USP49: variants seen among roughly 807,000 people sequenced by gnomAD.
USP49 encodes the protein ubiquitin specific peptidase 49.
In USP49, 24 loss-of-function variants were observed where a neutral mutation model predicts 58.6. The observed-to-expected ratio is 0.41, with a 90% CI of 0.30 to 0.58. USP49 has a LOEUF of 0.58. USP49 is among the 20% of genes least tolerant of loss of function. The pLI, the probability that USP49 is intolerant of heterozygous loss-of-function variation, is 0.30. For missense variants in USP49, 703 were observed against 866.1 expected, an observed-to-expected ratio of 0.81 and a Z score of 2.36; for synonymous variants, 408 against 365.1, an observed-to-expected ratio of 1.12 and a Z score of -1.34.
At chr6:41,847,317 T>A (rs1216318424) in intron 3 of USP49, among the ~76,000 whole-genome samples, 1 of 151,960 alleles carries the variant, frequency 6.6e-6, no homozygotes, top group African/African-American at 2.4e-5. Flanking sequence ...ACCAAAAAGA[T>A]AAACAATGAA....
Position 41,806,444 on chromosome 6 carries a change from G to T in USP49, c.540C>A (p.Arg180=). 6.3e-7 allele frequency: 1 copy of T among 1,586,280 alleles called. No homozygotes were observed. Among genetic ancestry groups the T allele is most frequent in the Non-Finnish European group, 8.5e-7 (1 of 1,174,844 alleles). ...GCCGCCTCCGCGCCTCCTCCTTCTTGCGCTCCAGGGCCTCCTCCTGCCGCC... is the reference window on the plus strand; with the variant it reads ...GCCGCCTCCGCGCCTCCTCCTTCTTTCGCTCCAGGGCCTCCTCCTGCCGCC... ...EQRRQEEALE[R]KKEEARRRRR... is the part of the protein sequence containing the mutation. Residue 180 remains arginine (R), a synonymous_variant, in exon 4 of 8, where the codon CGC becomes CGA. Coordinates refer to ENST00000682992, the MANE Select transcript of USP49 (RefSeq NM_001286554.2). The surrounding 1 kb of genome is among the most constrained non-coding windows in gnomAD (Gnocchi z 5.9).
In USP49 at chr6:41,793,537, G is replaced by C. The variant is rs1447082192; in HGVS notation, c.*2996C>G. 1 of 152,896 alleles carries C rather than the reference G, an allele frequency of 6.5e-6. No homozygotes were observed. Among genetic ancestry groups the C allele is most frequent in the East Asian group, 1.9e-4 (1 of 5,218 alleles). The allele number at this position is 152,896 out of a possible 1,614,324, so 9.5% of individuals were successfully genotyped here. ...GCCTCCCAAAGTGCTGGGATTACAG[G>C]CATGAGCCACCGCGCCCAGCCTGGA... On this transcript the variant is annotated 3_prime_UTR_variant, in exon 8 of 8. Transcript: ENST00000682992.
intron 3 of USP49, among the ~76,000 whole-genome samples, chr6:41,849,280 A>T (rs1014708540): frequency 2.6e-5 from 4 of 152,230 alleles, no homozygotes; most frequent in Non-Finnish European, 5.9e-5. Context: ...TGCTCCAAAC[A>T]TCAGAGCTTC....
At chr6:41,802,468 A>ATTTT (rs1178634996) in intron 5 of USP49, among the ~76,000 whole-genome samples, 26 of 73,890 alleles carry the variant, frequency 3.5e-4, no homozygotes, top group African/African-American at 1.3e-3. Flanking sequence ...TTATTTATTT[A>ATTTT]TTTTTTATTT....
intron 5 of USP49, among the ~76,000 whole-genome samples, chr6:41,802,598 A>AT (rs34722469): frequency 4.1e-4 from 60 of 147,868 alleles, no homozygotes; most frequent in African/African-American, 1.3e-3. Context: ...CTGGCCTAAG[A>AT]TTTTTTTTTT....
At chr6:41,837,957 T>C (rs1773756497) in intron 3 of USP49, among the ~76,000 whole-genome samples, 1 of 152,176 alleles carries the variant, frequency 6.6e-6, no homozygotes. Flanking sequence ...ACATCACAGA[T>C]GATGGCAAAG....
At chr6:41,871,794 T>C (rs2127359456) in intron 2 of USP49, among the ~76,000 whole-genome samples, 157 bp from the exon 3 acceptor site, 1 of 152,094 alleles carries the variant, frequency 6.6e-6, no homozygotes, top group South Asian at 2.1e-4. Flanking sequence ...AAAAAAAAAC[T>C]GTGATCTTTC....
intron 3 of USP49, among the ~76,000 whole-genome samples, chr6:41,825,842 T>G (rs1773528994): frequency 6.6e-6 from 1 of 152,178 alleles, no homozygotes; most frequent in Non-Finnish European, 1.5e-5. Context: ...CAAGGGTAAA[T>G]AAAGAATAGC....
At chr6:41,850,123 T>C (rs376293237) in intron 3 of USP49, among the ~76,000 whole-genome samples, 9 of 152,252 alleles carry the variant, frequency 5.9e-5, no homozygotes, top group African/African-American at 1.7e-4. Flanking sequence ...AAGAGGTCAA[T>C]TTATGGTTGT....
intron 3 of USP49, among the ~76,000 whole-genome samples, chr6:41,852,463 A>C (rs1438686757): frequency 6.6e-6 from 1 of 152,248 alleles, no homozygotes; most frequent in Non-Finnish European, 1.5e-5. Context: ...AACAATTCAA[A>C]AGGAAATTTT....
intron 7 of USP49, among the ~76,000 whole-genome samples, chr6:41,797,321 T>C (rs74525158): frequency 0.017 from 2,559 of 152,244 alleles, 54 homozygotes; most frequent in African/African-American, 0.051. Flanking sequence ...TAGGGCCTTC[T>C]AGAAAGAGCT....
intron 3 of USP49, among the ~76,000 whole-genome samples, chr6:41,828,780 A>C (rs1773585590): frequency 6.6e-6 from 1 of 152,174 alleles, no homozygotes; most frequent in African/African-American, 2.4e-5. Flanking sequence ...TCTTATGCCA[A>C]GGTAATAAAG....
At chr6:41,883,097 G>A (rs1774640699) in intron 2 of USP49, among the ~76,000 whole-genome samples, 1 of 151,854 alleles carries the variant, frequency 6.6e-6, no homozygotes, top group Admixed American at 6.6e-5. Flanking sequence ...AAGGAAAATG[G>A]CTAACTAGTA....
intron 3 of USP49, among the ~76,000 whole-genome samples, chr6:41,854,124 C>G (rs1774084426): frequency 6.6e-6 from 1 of 151,592 alleles, no homozygotes; most frequent in African/African-American, 2.4e-5. Flanking sequence ...CGAGACCAGC[C>G]TGGCCAACAT....
In USP49 at chr6:41,803,063, A is replaced by C. The variant is rs2127320794; in HGVS notation, c.1561+743T>G. 6.6e-6 allele frequency among the ~76,000 whole-genome samples: 1 copy of C among 152,240 alleles called. No individual in the cohort carries two copies. The highest frequency in any genetic ancestry group is 2.1e-4 in the South Asian group (1 of 4,826). ...CATTAAGTCTACCAGTTCAGTACAA[A>C]AGCTTGCTTTTCTGATATCGCACCC... On this transcript the variant is annotated intron_variant, in intron 5 of 7. Transcript: ENST00000682992. This position sits in a 1 kb window ranked among gnomAD's most constrained non-coding sequence, Gnocchi z 4.1.
chr6:41,808,407 CTTTTT>C (rs5875774), intron 3 of USP49, among the ~76,000 whole-genome samples: 2 of 117,552 alleles, frequency 1.7e-5, no homozygotes. Context: ...AGCTATACAA[CTTTTT>C]TTTTTTTTTT....
chr6:41,804,997 C>T (rs1773084995), intron 4 of USP49, among the ~76,000 whole-genome samples: 1 of 152,258 alleles, frequency 6.6e-6, no homozygotes, highest in Non-Finnish European at 1.5e-5. Flanking sequence ...ATCCACCCAC[C>T]TTGGCCTCCT....
chr6:41,855,673 T>C (rs1215762306), intron 3 of USP49, among the ~76,000 whole-genome samples: 1 of 152,202 alleles, frequency 6.6e-6, no homozygotes, highest in Non-Finnish European at 1.5e-5. Flanking sequence ...ATGCTATAGG[T>C]TTATTATTTA....
intron 3 of USP49, among the ~76,000 whole-genome samples, chr6:41,826,731 G>C (rs1402180593): frequency 1.3e-5 from 2 of 151,996 alleles, no homozygotes; most frequent in African/African-American, 4.8e-5. Context: ...GAGTTCTGGG[G>C]CCCCCCAAAC....
Sources: allele counts gnomAD v4.1 joint callset (sites outside exome capture counted in the v4.1 genomes callset), GRCh38; gene constraint gnomAD v4.1.1; non-coding constraint Gnocchi (gnomAD v3.1); transcripts MANE v1.5; gene names NCBI Gene and HGNC (gene_info 2026-07-23, HGNC 2026-07-21).